ASNS: variants seen among roughly 807,000 people sequenced by gnomAD.
The protein encoded by ASNS is asparagine synthetase (glutamine-hydrolyzing), also known as asparagine synthetase [glutamine-hydrolyzing].
Under a neutral mutation model 62.6 loss-of-function variants are expected in ASNS, and 37 were observed. The observed-to-expected ratio is 0.59, with a 90% confidence interval of 0.45 to 0.78. The LOEUF (loss-of-function observed/expected upper bound fraction) is 0.78, where lower values mean the gene tolerates loss of function less well. Ranked by LOEUF, ASNS falls within the 30% of genes least tolerant of loss-of-function variation. The probability of loss-of-function intolerance (pLI) is 0.00; values close to 1 mark genes in which losing one functional copy is unlikely to be tolerated. For missense variants in ASNS, 520 were observed against 682.4 expected (o/e 0.76, Z 2.65); for synonymous variants, 207 against 237.9 (o/e 0.87, Z 1.19).
chr7:97,925,071 A>G, the ASNS span, among the ~76,000 whole-genome samples: 1 of 152,222 alleles, frequency 6.6e-6, no homozygotes, highest in Admixed American at 6.5e-5. Flanking sequence ...CAGGAGGTGG[A>G]GGTTGCAGTG....
At chr7:97,861,362 T>G (rs1411539496) in intron 4 of ASNS, among the ~76,000 whole-genome samples, 1 of 152,210 alleles carries the variant, frequency 6.6e-6, no homozygotes, top group Non-Finnish European at 1.5e-5. Flanking sequence ...TGGGTAAAGA[T>G]TCAACTCCAA....
the ASNS span, among the ~76,000 whole-genome samples, chr7:97,896,057 C>G: frequency 6.6e-6 from 1 of 150,806 alleles, no homozygotes; most frequent in Non-Finnish European, 1.5e-5. Context: ...TTGAGAAGGA[C>G]ACAAACAAAT....
At chr7:97,926,347 T>A in the ASNS span, among the ~76,000 whole-genome samples, 2 of 152,140 alleles carry the variant, frequency 1.3e-5, no homozygotes, top group African/African-American at 4.8e-5. Context: ...TAATCTGCTA[T>A]TAAAGAATGA....
the ASNS span, among the ~76,000 whole-genome samples, chr7:97,905,750 G>A: frequency 1.3e-5 from 2 of 151,996 alleles, no homozygotes; most frequent in Admixed American, 6.6e-5. Context: ...TTTATCATCC[G>A]TTCCCTTGGA....
rs1238608169 is a variant in ASNS, at chr7:97,859,214, T to C, written c.672A>G (p.Pro224=). ...ALYDNVEKLF[P]GFEIETVKNN... ...AATAGGTGGGTGGGTGTCTGCTACC[T>C]GGAAAGAGTTTCTCCACATTGTCAT... Residue 224 remains proline, a splice_region_variant and synonymous_variant, in exon 5 of 13, where the codon CCA becomes CCG. Transcript: ENST00000394308. 1 of 1,600,564 alleles carries C rather than the reference T, an allele frequency of 6.2e-7. No homozygotes were observed.
chr7:97,861,368 T>C (rs562325243), intron 4 of ASNS, among the ~76,000 whole-genome samples: 38 of 152,318 alleles, frequency 2.5e-4, no homozygotes, highest in African/African-American at 9.1e-4. Context: ...AAGATTCAAC[T>C]CCAAGTTTTG....
At chr7:97,914,827 T>A in the ASNS span, among the ~76,000 whole-genome samples, 15 of 152,238 alleles carry the variant, frequency 9.9e-5, no homozygotes, top group Non-Finnish European at 1.9e-4. Flanking sequence ...ACGCTGGAAC[T>A]GTTGTTGACA....
At chr7:97,855,509 A>G in intron 8 of ASNS, 50 bp from the exon 9 acceptor site, 1 of 1,379,610 alleles carries the variant, frequency 7.2e-7, no homozygotes, top group East Asian at 2.3e-5. Flanking sequence ...ACCTTCCACC[A>G]AAAATGCCTT....
intron 3 of ASNS, 77 bp from the exon 4 acceptor site, chr7:97,864,573 C>A: frequency 9.9e-7 from 1 of 1,011,834 alleles, no homozygotes; most frequent in Non-Finnish European, 1.5e-6. Context: ...AAAGATGCTT[C>A]AGTATTTCTG....
the ASNS span, among the ~76,000 whole-genome samples, chr7:97,879,298 G>A: frequency 1.3e-5 from 2 of 152,172 alleles, no homozygotes; most frequent in African/African-American, 4.8e-5. Context: ...TGACAAATGG[G>A]ATCTAATTAA....
chr7:97,863,688 A>C (rs898679274), intron 4 of ASNS: 1 of 152,796 alleles, frequency 6.5e-6, no homozygotes, highest in African/African-American at 2.4e-5. Flanking sequence ...ACAAACAAAC[A>C]AACAAAAACC....
chr7:97,919,328 C>A, the ASNS span, among the ~76,000 whole-genome samples: 5 of 152,290 alleles, frequency 3.3e-5, no homozygotes, highest in East Asian at 9.7e-4. Context: ...TTTGGCCAAG[C>A]TGGTCTCGAA....
the ASNS span, among the ~76,000 whole-genome samples, chr7:97,901,385 G>A: frequency 6.6e-6 from 1 of 152,044 alleles, no homozygotes; most frequent in East Asian, 1.9e-4. Flanking sequence ...TAGTAGAGAC[G>A]TTTCATCATG....
the ASNS span, among the ~76,000 whole-genome samples, chr7:97,924,657 G>C: frequency 6.6e-6 from 1 of 152,192 alleles, no homozygotes; most frequent in Non-Finnish European, 1.5e-5. Context: ...AGAACCAGGG[G>C]GATGTGGTGG....
the ASNS span, among the ~76,000 whole-genome samples, chr7:97,885,324 C>T: frequency 1.3e-3 from 202 of 152,310 alleles, 1 homozygote; most frequent in African/African-American, 4.2e-3. Context: ...TTCACTTTGG[C>T]GCTATTATGA....
the ASNS span, among the ~76,000 whole-genome samples, chr7:97,883,831 C>A: frequency 1.6e-4 from 24 of 151,698 alleles, no homozygotes; most frequent in African/African-American, 5.8e-4. Context: ...ACTAAAAATA[C>A]AAAAAAATTA....
the ASNS span, among the ~76,000 whole-genome samples, chr7:97,887,132 A>G: frequency 6.6e-6 from 1 of 152,238 alleles, no homozygotes; most frequent in Non-Finnish European, 1.5e-5. Flanking sequence ...AACTTTGTCA[A>G]AATTGTTCAG....
the ASNS span, among the ~76,000 whole-genome samples, chr7:97,920,587 C>T: frequency 6.6e-6 from 1 of 152,152 alleles, no homozygotes; most frequent in South Asian, 2.1e-4. Context: ...CAGCTGGGGC[C>T]AAATAGAAGG....
chr7:97,877,719 GA>G, the ASNS span, among the ~76,000 whole-genome samples: 1 of 152,148 alleles, frequency 6.6e-6, no homozygotes, highest in African/African-American at 2.4e-5. Context: ...GCTAAGGGTT[GA>G]ATCTCTGAAA....
Sources: gnomAD v4.1 joint callset for allele counts (sites outside exome capture counted in the v4.1 genomes callset) on GRCh38, gnomAD v4.1.1 for gene constraint, MANE v1.5 for transcripts, NCBI Gene and HGNC (gene_info 2026-07-23, HGNC 2026-07-21) for gene names.